The following SEC11A variants were observed in gnomAD, a reference collection of about 807,000 sequenced individuals.
SEC11A encodes SEC11 homolog A, signal peptidase complex subunit.
In SEC11A, 14 loss-of-function variants were observed where a neutral mutation model predicts 25.6. That is an observed-to-expected ratio of 0.55 (90% CI 0.36 to 0.85). SEC11A has a LOEUF of 0.85. Among genes scored for constraint, SEC11A ranks in the 40% least tolerant of loss-of-function variants. The pLI, the probability that SEC11A is intolerant of heterozygous loss-of-function variation, is 0.01. For missense variants in SEC11A, 153 were observed against 222.9 expected (o/e 0.69, Z 2.00); for synonymous variants, 83 against 76.4 (o/e 1.09, Z -0.45).
intron 3 of SEC11A, among the ~76,000 whole-genome samples, chr15:84,683,033 C>T (rs908887578): frequency 1.3e-5 from 2 of 151,440 alleles, no homozygotes; most frequent in East Asian, 3.9e-4. Flanking sequence ...GTTGCAAACA[C>T]CAAAGATGGT....
intron 1 of SEC11A, among the ~76,000 whole-genome samples, chr15:84,709,860 A>G (rs542670757): frequency 1.8e-4 from 28 of 152,310 alleles, no homozygotes; most frequent in African/African-American, 6.5e-4. Flanking sequence ...CTTGTGCCTC[A>G]GCCACCTGAG....
intron 1 of SEC11A, among the ~76,000 whole-genome samples, chr15:84,709,828 C>T (rs1027595009): frequency 6.6e-6 from 1 of 152,106 alleles, no homozygotes; most frequent in African/African-American, 2.4e-5. Context: ...CTGCAACCTC[C>T]GCCTTCCAGG....
intron 3 of SEC11A, among the ~76,000 whole-genome samples, chr15:84,685,250 C>A (rs1373673959): frequency 1.3e-5 from 2 of 151,940 alleles, no homozygotes; most frequent in African/African-American, 4.8e-5. Context: ...CATTCAATTT[C>A]TTTTTCTTTT....
In SEC11A at chr15:84,673,811, T is replaced by C. The variant is rs189931168; in HGVS notation, c.432-3029A>G. ...GTAATCCCAGCTACTCAGGAGGTTG[T>C]GGCAGCAGAATCGCTTGAACCCGGG... On this transcript the variant is annotated intron_variant, in intron 4 of 5. Coordinates refer to ENST00000268220, the MANE Select transcript of SEC11A (RefSeq NM_014300.4). 4.0e-3 allele frequency: 602 copies of C among 152,190 alleles called. 2 individuals carry two copies. The highest frequency in any genetic ancestry group is 0.014 in the African/African-American group (572 of 41,500). The allele number at this position is 152,190 out of a possible 1,614,324, so 9.4% of individuals were successfully genotyped here. A position where few individuals can be genotyped will look rare whatever the true frequency, so the allele number is the denominator to read the frequency against.
intron 1 of SEC11A, among the ~76,000 whole-genome samples, chr15:84,706,098 G>A (rs984043171): frequency 6.6e-6 from 1 of 151,792 alleles, no homozygotes; most frequent in Admixed American, 6.6e-5. Flanking sequence ...GTGGAGACGG[G>A]GTTTCACCTT....
chr15:84,714,124 C>A (rs971562276), intron 1 of SEC11A, among the ~76,000 whole-genome samples: 1 of 151,060 alleles, frequency 6.6e-6, no homozygotes, highest in Non-Finnish European at 1.5e-5. Context: ...CAGGCGATTC[C>A]CCTGCCTCAG....
At chr15:84,689,062 A>T (rs1462786425) in intron 2 of SEC11A, among the ~76,000 whole-genome samples, 1 of 151,630 alleles carries the variant, frequency 6.6e-6, no homozygotes, top group African/African-American at 2.4e-5. Context: ...GAAGAAAAGA[A>T]AAAAAAGAAA....
chr15:84,688,125 A>T (rs1160195720), intron 2 of SEC11A, among the ~76,000 whole-genome samples: 1 of 152,226 alleles, frequency 6.6e-6, no homozygotes, highest in Non-Finnish European at 1.5e-5. Context: ...CAATGCCCTT[A>T]TTCTCACTTC....
intron 1 of SEC11A, among the ~76,000 whole-genome samples, chr15:84,698,728 C>G (rs1322247331): frequency 6.6e-6 from 1 of 152,158 alleles, no homozygotes; most frequent in Non-Finnish European, 1.5e-5. Context: ...ACAGCAGCTT[C>G]CCTCATAATA....
chr15:84,679,858 G>A lies in SEC11A; in HGVS notation c.431+855C>T, dbSNP rs751435694. 41 of 1,063,572 alleles carry A rather than the reference G, an allele frequency of 3.9e-5. 1 individual carries two copies. Among genetic ancestry groups the A allele is most frequent in the South Asian group, 2.8e-4 (20 of 70,398 alleles). 65.9% of individuals were successfully genotyped at this position (1,063,572 alleles called of 1,614,324 possible). On this transcript the variant is annotated intron_variant, in intron 4 of 5. Coordinates refer to ENST00000268220, the MANE Select transcript of SEC11A (RefSeq NM_014300.4). ...TGGTACACAATAAGCCCTAATAAAC[G>A]TGAGTTATTGTTAATACTATTAATT...
intron 2 of SEC11A, among the ~76,000 whole-genome samples, chr15:84,689,427 A>C (rs1344866312): frequency 6.6e-6 from 1 of 151,826 alleles, no homozygotes; most frequent in African/African-American, 2.4e-5. Context: ...AATTTGGTTA[A>C]AAAAGAGTAA....
intron 1 of SEC11A, among the ~76,000 whole-genome samples, chr15:84,699,009 T>C (rs1279090346): frequency 1.3e-5 from 2 of 151,896 alleles, no homozygotes; most frequent in Admixed American, 1.3e-4. Context: ...GCAACATAGG[T>C]GAATTTCCAA....
chr15:84,700,210 G>C (rs550546064), intron 1 of SEC11A, among the ~76,000 whole-genome samples: 3 of 151,850 alleles, frequency 2.0e-5, no homozygotes, highest in African/African-American at 4.8e-5. Context: ...AAAACTACCA[G>C]ACATGCAAAG....
At chr15:84,670,173 C>T in intron 5 of SEC11A, 104 bp from the exon 6 acceptor site, 1 of 974,142 alleles carries the variant, frequency 1.0e-6, no homozygotes, top group African/African-American at 1.7e-5. Context: ...CGCTAAACTA[C>T]CCAATTATTC....
At chr15:84,694,425 T>C (rs1897699131) in intron 1 of SEC11A, among the ~76,000 whole-genome samples, 1 of 152,190 alleles carries the variant, frequency 6.6e-6, no homozygotes, top group Non-Finnish European at 1.5e-5. Flanking sequence ...GCAATTCTTA[T>C]TTATTTCATT....
intron 1 of SEC11A, 22 bp downstream of exon 1, chr15:84,716,003 A>T: frequency 6.2e-7 from 1 of 1,612,530 alleles, no homozygotes. Flanking sequence ...AGCCAGGAGA[A>T]AAAGAGGACG....
intron 4 of SEC11A, among the ~76,000 whole-genome samples, chr15:84,677,958 G>T (rs1195096926): frequency 1.3e-5 from 2 of 152,160 alleles, no homozygotes; most frequent in African/African-American, 4.8e-5. Context: ...CACTTTAGGA[G>T]ACCATGGTAG....
rs186059902 is a variant in SEC11A at position 84,679,251 on chromosome 15, A to C, written c.431+1462T>G. On this transcript the variant is annotated intron_variant, in intron 4 of 5. Transcript: ENST00000268220. Reference sequence around the variant, plus strand: ...ATTAGCAGCATCTTGGGAACTGAGGAAGATGGGGACTAGTATTTCTCAGAA... The same window carrying C: ...ATTAGCAGCATCTTGGGAACTGAGGCAGATGGGGACTAGTATTTCTCAGAA... The C allele has an allele frequency of 2.9e-5, 36 of 1,261,972 alleles. 1 individual carries two copies. The African/African-American group carries it at 3.1e-4, about 11-fold the overall frequency. 78.2% of individuals were successfully genotyped at this position (1,261,972 alleles called of 1,614,324 possible).
At chr15:84,687,559 A>G (rs1567037595) in intron 3 of SEC11A, 66 bp downstream of exon 3, 21 of 1,384,882 alleles carry the variant, frequency 1.5e-5, no homozygotes, top group Non-Finnish European at 2.0e-5. Context: ...TAGGCTATCA[A>G]AACTAAATAC....
Sources: gnomAD v4.1 joint callset for allele counts (sites outside exome capture counted in the v4.1 genomes callset) on GRCh38, gnomAD v4.1.1 for gene constraint, MANE v1.5 for transcripts, NCBI Gene and HGNC (gene_info 2026-07-23, HGNC 2026-07-21) for gene names.